The following DCC variants were observed in gnomAD, a reference collection of about 807,000 sequenced individuals.
The protein encoded by DCC is DCC netrin 1 receptor.
In DCC, 58 loss-of-function variants were observed where a neutral mutation model predicts 172.5. The observed-to-expected ratio is 0.34, with a 90% CI of 0.27 to 0.42. The LOEUF is 0.42. Among genes scored for constraint, DCC ranks in the 10% least tolerant of loss-of-function variants. The probability of loss-of-function intolerance (pLI) is 1.00; values close to 1 mark genes in which losing one functional copy is unlikely to be tolerated. For missense variants in DCC, 1,740 were observed against 1,791.0 expected (o/e 0.97, Z 0.51); for synonymous variants, 709 against 644.5 (o/e 1.10, Z -1.52).
intron 1 of DCC, among the ~76,000 whole-genome samples, chr18:52,729,852 GA>G (rs2036609858): frequency 6.6e-6 from 1 of 152,116 alleles, no homozygotes; most frequent in Non-Finnish European, 1.5e-5. Context: ...AAGGATCTTA[GA>G]AATCACCTTA....
intron 7 of DCC, among the ~76,000 whole-genome samples, chr18:53,109,355 T>A (rs1311762266): frequency 6.6e-6 from 1 of 151,632 alleles, no homozygotes; most frequent in Non-Finnish European, 1.5e-5. Flanking sequence ...ATATCTGGTA[T>A]GGTGATTCTT....
At chr18:52,821,230 CT>C (rs2038401575) in intron 2 of DCC, among the ~76,000 whole-genome samples, 1 of 152,154 alleles carries the variant, frequency 6.6e-6, no homozygotes, top group Admixed American at 6.5e-5. Flanking sequence ...CCACTTCCCC[CT>C]TGTTACCTGA....
intron 21 of DCC, among the ~76,000 whole-genome samples, chr18:53,421,746 G>A (rs1910654739): frequency 6.6e-6 from 1 of 152,184 alleles, no homozygotes; most frequent in Non-Finnish European, 1.5e-5. Context: ...AAAATGATAA[G>A]TTCAGACTAA....
chr18:53,225,200 AT>A (rs776567016), intron 12 of DCC, among the ~76,000 whole-genome samples: 2 of 152,142 alleles, frequency 1.3e-5, no homozygotes, highest in Admixed American at 6.6e-5. Context: ...GAGAGAGAGT[AT>A]GAAGGGATTA....
intron 7 of DCC, among the ~76,000 whole-genome samples, chr18:53,088,097 G>T (rs1029774713): frequency 1.3e-5 from 2 of 152,096 alleles, no homozygotes; most frequent in East Asian, 1.9e-4. Context: ...CTCTTTTTTG[G>T]TTCCATATGA....
chr18:52,811,531 A>G (rs543028403), intron 2 of DCC, among the ~76,000 whole-genome samples: 2 of 152,172 alleles, frequency 1.3e-5, no homozygotes, highest in South Asian at 2.1e-4. Context: ...AAAAATCACT[A>G]AAGAAAACTA....
At chr18:52,824,840 G>GTGCCTGTAAATGACAA (rs1568127744) in intron 2 of DCC, among the ~76,000 whole-genome samples, 8 of 151,772 alleles carry the variant, frequency 5.3e-5, no homozygotes, top group Admixed American at 1.3e-4. Flanking sequence ...CATGGTGACA[G>GTGCCTGTAAATGACAA]GTGCCTGTAA....
intron 7 of DCC, among the ~76,000 whole-genome samples, chr18:53,130,424 A>T (rs2043634084): frequency 6.6e-6 from 1 of 152,046 alleles, no homozygotes; most frequent in Non-Finnish European, 1.5e-5. Flanking sequence ...TGTTCTGTAT[A>T]CAGATTTTAT....
chr18:52,810,421 A>G (rs564623374), intron 2 of DCC, among the ~76,000 whole-genome samples: 39 of 152,302 alleles, frequency 2.6e-4, no homozygotes, highest in South Asian at 2.1e-3. Context: ...GCTTATACCA[A>G]TCTGGCAGTT....
intron 1 of DCC, among the ~76,000 whole-genome samples, chr18:52,671,203 T>C (rs2035546233): frequency 6.6e-6 from 1 of 152,122 alleles, no homozygotes; most frequent in Non-Finnish European, 1.5e-5. Context: ...TCCAAGACAA[T>C]GGATTTTGCA....
chr18:52,497,280 A>AAT (rs1172366771), intron 1 of DCC, among the ~76,000 whole-genome samples: 324 of 20,986 alleles, frequency 0.015, 2 homozygotes, highest in Non-Finnish European at 0.028. Flanking sequence ...AAAAAAAAAA[A>AAT]ATATATATAT....
chr18:52,563,516 T>A (rs115021005), intron 1 of DCC, among the ~76,000 whole-genome samples: 2 of 152,058 alleles, frequency 1.3e-5, no homozygotes, highest in African/African-American at 2.4e-5. Flanking sequence ...CAGGCACACA[T>A]AAGGATGGGA....
chr18:52,477,354 A>G (rs913577338), intron 1 of DCC, among the ~76,000 whole-genome samples: 1 of 152,174 alleles, frequency 6.6e-6, no homozygotes, highest in African/African-American at 2.4e-5. Flanking sequence ...GAGGAGGTAT[A>G]TGAGTGGAGG....
chr18:52,804,516 A>C (rs188699679), intron 2 of DCC, among the ~76,000 whole-genome samples: 1 of 152,300 alleles, frequency 6.6e-6, no homozygotes. Context: ...AAGAATCAAA[A>C]AAGTTTGGTA....
intron 5 of DCC, among the ~76,000 whole-genome samples, chr18:53,051,917 A>G (rs2144040212): frequency 6.6e-6 from 1 of 152,164 alleles, no homozygotes; most frequent in Admixed American, 6.6e-5. Flanking sequence ...TTAACTTTGA[A>G]TATATATTCT....
intron 1 of DCC, among the ~76,000 whole-genome samples, chr18:52,416,940 G>A (rs940259677): frequency 0.029 from 4,413 of 152,036 alleles, 203 homozygotes; most frequent in African/African-American, 0.1. Flanking sequence ...TATTTTGCTC[G>A]TTAGTTGATG....
intron 8 of DCC, among the ~76,000 whole-genome samples, chr18:53,176,619 C>G (rs1252565747): frequency 6.6e-6 from 1 of 152,142 alleles, no homozygotes; most frequent in Non-Finnish European, 1.5e-5. Flanking sequence ...CAAATCAAAA[C>G]CACAATGAGA....
rs1211002844 is a variant in DCC, at chr18:53,217,290, CACACACACACAT to C, written c.1911+1695_1911+1706del. ...ACACACACACACACACACACACACA[CACACACACACAT>C]ATGTATATACACACACACACACACA... On this transcript the variant is annotated intron_variant, in intron 12 of 28. Transcript: ENST00000442544. Among the ~76,000 whole-genome samples the C allele has an allele frequency of 2.7e-3, 326 of 119,852 alleles. 4 individuals are homozygous for C. Among genetic ancestry groups the C allele is most frequent in the African/African-American group, 0.012 (255 of 22,068 alleles). 78.6% of individuals were successfully genotyped at this position (119,852 alleles called of 152,430 possible). A position where few individuals can be genotyped will look rare whatever the true frequency, so the allele number is the denominator to read the frequency against.
chr18:52,957,313 T>C (rs2040760577), intron 5 of DCC, among the ~76,000 whole-genome samples: 1 of 152,028 alleles, frequency 6.6e-6, no homozygotes, highest in Admixed American at 6.6e-5. Context: ...GATTATAACT[T>C]TGCTGGAAAA....
Sources: gnomAD v4.1 joint callset for allele counts (sites outside exome capture counted in the v4.1 genomes callset) on GRCh38, gnomAD v4.1.1 for gene constraint, MANE v1.5 for transcripts, NCBI Gene and HGNC (gene_info 2026-07-23, HGNC 2026-07-21) for gene names.